Variants in POLR1D observed in about 807,000 individuals in gnomAD.
POLR1D encodes the protein RNA polymerase I and III subunit D.
A neutral mutation model predicts 10.8 loss-of-function variants in POLR1D; 8 were observed. The observed-to-expected ratio is 0.74, with a 90% CI of 0.43 to 1.33. The LOEUF is 1.33. Ranked by LOEUF, POLR1D falls within the 40% of genes most tolerant of loss-of-function variation. The pLI is 0.01. For synonymous variants in POLR1D, 54 were observed against 57.2 expected, an observed-to-expected ratio of 0.94 and a Z score of 0.25; for missense variants, 152 against 161.7, an observed-to-expected ratio of 0.94 and a Z score of 0.32.
downstream of POLR1D, among the ~76,000 whole-genome samples, chr13:27,623,706 C>A (rs1175420203): frequency 6.6e-6 from 1 of 152,122 alleles, no homozygotes; most frequent in African/African-American, 2.4e-5. Context: ...GGGGACTTGG[C>A]TTCTTGCTAA....
chr13:27,622,963 T>A lies in POLR1D; in HGVS notation c.115T>A (p.Cys39Ser). 6.2e-7 allele frequency: 1 copy of A among 1,613,858 alleles called. No individual in the cohort carries two copies. Residue 39 changes from cysteine (C) to serine (S), a missense_variant, in exon 2 of 2, where the codon TGT becomes AGT. Transcript: ENST00000302979. ...MVQAAGTDRH[C>S]VTFVLHEEDH... Reference sequence around the variant, plus strand: ...CCAGGCAGCTGGAACAGATAGACACTGTGTGACATTTGTATTGCACGAGGA... The same window carrying A: ...CCAGGCAGCTGGAACAGATAGACACAGTGTGACATTTGTATTGCACGAGGA...
At chr13:27,642,693 C>T (rs1376907545) in intron 1 of POLR1D, among the ~76,000 whole-genome samples, 1 of 152,122 alleles carries the variant, frequency 6.6e-6, no homozygotes, top group Non-Finnish European at 1.5e-5. Context: ...AGACAAGTTC[C>T]GAGACCTTTA....
intron 2 of POLR1D, among the ~76,000 whole-genome samples, chr13:27,662,624 C>A (rs962499083): frequency 1.3e-5 from 2 of 152,146 alleles, no homozygotes; most frequent in African/African-American, 4.8e-5. Flanking sequence ...ATGCTAAATG[C>A]CTTATACATT....
At chr13:27,630,475 G>A (rs1175378698) in intron 1 of POLR1D, among the ~76,000 whole-genome samples, 1 of 152,082 alleles carries the variant, frequency 6.6e-6, no homozygotes, top group Non-Finnish European at 1.5e-5. Context: ...TTTTTCATGG[G>A]TGGGAGAGAC....
intron 2 of POLR1D, among the ~76,000 whole-genome samples, chr13:27,653,515 A>G (rs1031451026): frequency 1.3e-5 from 2 of 152,136 alleles, no homozygotes; most frequent in African/African-American, 4.8e-5. Context: ...ATGAGTCTGA[A>G]AGACACGAAT....
downstream of POLR1D, among the ~76,000 whole-genome samples, chr13:27,627,883 CAA>C (rs3081352): frequency 0.37 from 56,328 of 150,324 alleles, 11,788 homozygotes; most frequent in Admixed American, 0.51. Context: ...AGGATGGATA[CAA>C]AAAAAAAATG....
At chr13:27,627,747 T>TTTTTTTTC (rs1566142755), downstream of POLR1D, among the ~76,000 whole-genome samples, 35 of 135,108 alleles carry the variant, frequency 2.6e-4, 1 homozygote, top group Non-Finnish European at 3.2e-4. Context: ...TTTTTTTTTT[T>TTTTTTTTC]TTTGTCCCAT....
chr13:27,659,720 G>A (rs1261644225), intron 2 of POLR1D, among the ~76,000 whole-genome samples: 1 of 152,090 alleles, frequency 6.6e-6, no homozygotes, highest in Non-Finnish European at 1.5e-5. Context: ...TGAGGGAGCT[G>A]GAGGCCGAGG....
At chr13:27,659,417 CCA>C (rs2099596663) in intron 2 of POLR1D, among the ~76,000 whole-genome samples, 1 of 152,194 alleles carries the variant, frequency 6.6e-6, no homozygotes, top group Admixed American at 6.5e-5. Context: ...TATTTTCAGG[CCA>C]CAGAGATCCA....
intron 1 of POLR1D, among the ~76,000 whole-genome samples, chr13:27,635,539 A>G (rs1956114676): frequency 1.3e-5 from 2 of 151,974 alleles, no homozygotes; most frequent in Non-Finnish European, 2.9e-5. Context: ...GAGGTAATAT[A>G]TATTATTCAG....
rs199656160 is a variant in POLR1D at position 27,653,073 on chromosome 13, A to AT, written c.101+4629dup. ...ACCACCATGCCTGACTAATGTTTGT[A>AT]TTTTTTTTTAGTAGAGATCGGGTTT... On this transcript the variant is annotated intron_variant, in intron 2 of 2. Coordinates refer to the POLR1D transcript ENST00000399697. 6.3e-4 allele frequency among the ~76,000 whole-genome samples: 95 copies of AT among 149,868 alleles called. No individual in the cohort carries two copies. The East Asian group carries it at 0.012, about 18-fold the overall frequency.
intron 2 of POLR1D, among the ~76,000 whole-genome samples, chr13:27,655,885 AAAG>A (rs1188344247): frequency 2.0e-5 from 3 of 152,208 alleles, no homozygotes; most frequent in African/African-American, 7.2e-5. Context: ...AAAACAAAAA[AAAG>A]AATGGAGACC....
chr13:27,662,369 C>G (rs1054603718), intron 2 of POLR1D, among the ~76,000 whole-genome samples: 1 of 151,850 alleles, frequency 6.6e-6, no homozygotes, highest in Admixed American at 6.6e-5. Context: ...GACACCCCCC[C>G]CACCACTACT....
At chr13:27,645,715 C>A (rs888160205) in intron 1 of POLR1D, among the ~76,000 whole-genome samples, 5 of 152,088 alleles carry the variant, frequency 3.3e-5, no homozygotes, top group Admixed American at 3.3e-4. Flanking sequence ...GACTGAGTGC[C>A]CTCCCACCCA....
intron 2 of POLR1D, among the ~76,000 whole-genome samples, chr13:27,654,221 G>T (rs1956289943): frequency 6.6e-6 from 1 of 152,104 alleles, no homozygotes; most frequent in Non-Finnish European, 1.5e-5. Context: ...TTAATAATGT[G>T]TACTTTTCCT....
At chr13:27,640,370 C>G (rs1189788396) in intron 1 of POLR1D, among the ~76,000 whole-genome samples, 1 of 152,090 alleles carries the variant, frequency 6.6e-6, no homozygotes, top group Non-Finnish European at 1.5e-5. Context: ...GAAGATTGTA[C>G]CAATGTTGAC....
intron 2 of POLR1D, among the ~76,000 whole-genome samples, chr13:27,656,357 T>A (rs535040796): frequency 6.6e-6 from 1 of 152,280 alleles, no homozygotes; most frequent in East Asian, 1.9e-4. Context: ...TCTGTGTCTG[T>A]GTATGTGTAT....
chr13:27,643,243 G>A (rs1338180181), intron 1 of POLR1D, among the ~76,000 whole-genome samples: 1 of 152,164 alleles, frequency 6.6e-6, no homozygotes, highest in African/African-American at 2.4e-5. Context: ...AACAAAATGT[G>A]CAGATTAATT....
intron 1 of POLR1D, among the ~76,000 whole-genome samples, chr13:27,640,775 A>C (rs920052029): frequency 6.6e-6 from 1 of 152,192 alleles, no homozygotes; most frequent in Admixed American, 6.5e-5. Flanking sequence ...TTTATAGAAC[A>C]TATAACCTTC....
Sources: gnomAD v4.1 joint callset for allele counts (sites outside exome capture counted in the v4.1 genomes callset) on GRCh38, gnomAD v4.1.1 for gene constraint, MANE v1.5 for transcripts, NCBI Gene and HGNC (gene_info 2026-07-23, HGNC 2026-07-21) for gene names.